SMYD4: variants seen among roughly 807,000 people sequenced by gnomAD.
The protein encoded by SMYD4 is SET and MYND domain containing 4, also known as protein-lysine N-methyltransferase SMYD4.
A neutral mutation model predicts 72.8 loss-of-function variants in SMYD4; 68 were observed. The observed-to-expected ratio is 0.93, with a 90% CI of 0.77 to 1.14. SMYD4 has a LOEUF of 1.14. Ranked by LOEUF, SMYD4 falls within the 50% of genes most tolerant of loss-of-function variation. The probability of loss-of-function intolerance (pLI) is 0.00; values close to 1 mark genes in which losing one functional copy is unlikely to be tolerated. For missense variants in SMYD4, 984 were observed against 1,003.7 expected, an observed-to-expected ratio of 0.98 and a Z score of 0.27; for synonymous variants, 407 against 388.6, an observed-to-expected ratio of 1.05 and a Z score of -0.56.
chr17:1,799,031 G>C (rs972178115), intron 5 of SMYD4, among the ~76,000 whole-genome samples: 1 of 152,076 alleles, frequency 6.6e-6, no homozygotes, highest in Non-Finnish European at 1.5e-5. Flanking sequence ...CAGCACTTTG[G>C]GAGGCTGAGG....
At chr17:1,823,980 A>T (rs1234785183) in intron 2 of SMYD4, among the ~76,000 whole-genome samples, 1 of 152,210 alleles carries the variant, frequency 6.6e-6, no homozygotes, top group Admixed American at 6.6e-5. Context: ...GCCTAGTTTC[A>T]TAGCTAAAAG....
chr17:1,825,558 C>G (rs1911124800), intron 2 of SMYD4, among the ~76,000 whole-genome samples: 1 of 145,168 alleles, frequency 6.9e-6, no homozygotes, highest in Non-Finnish European at 1.5e-5. Flanking sequence ...GTCACCCAGG[C>G]TGGAGTGCAG....
intron 2 of SMYD4, among the ~76,000 whole-genome samples, chr17:1,818,845 G>A (rs148439742): frequency 0.014 from 2,080 of 151,724 alleles, 52 homozygotes; most frequent in African/African-American, 0.047. Context: ...ATGGGGTCTC[G>A]CTATGTTGCC....
chr17:1,812,800 C>T (rs1233388289), intron 2 of SMYD4, among the ~76,000 whole-genome samples: 1 of 152,062 alleles, frequency 6.6e-6, no homozygotes, highest in Non-Finnish European at 1.5e-5. Context: ...CCACCTGCCT[C>T]ACCCTCCCAA....
chr17:1,785,331 C>T (rs1281079374), intron 7 of SMYD4, among the ~76,000 whole-genome samples: 1 of 147,660 alleles, frequency 6.8e-6, no homozygotes. Flanking sequence ...GAGGCTGAGG[C>T]AGGAGAATGG....
intron 10 of SMYD4, chr17:1,781,668 C>A: frequency 1.3e-5 from 4 of 299,012 alleles, no homozygotes; most frequent in Non-Finnish European, 1.2e-5. Context: ...CGAGGCAAAT[C>A]TCAAAGCTTT....
chr17:1,811,872 A>G, intron 3 of SMYD4, 99 bp downstream of exon 3: 2 of 1,335,684 alleles, frequency 1.5e-6, no homozygotes, highest in Non-Finnish European at 2.0e-6. Context: ...TGTTGCAGTG[A>G]GCTGAGATTA....
intron 7 of SMYD4, among the ~76,000 whole-genome samples, chr17:1,785,765 AAAAAAAAAAAG>A (rs201150292): frequency 0.21 from 15,872 of 77,016 alleles, 1,494 homozygotes; most frequent in African/African-American, 0.37. Flanking sequence ...CCCCATCTCA[AAAAAAAAAAAG>A]AAAAAAAAAA....
intron 5 of SMYD4, among the ~76,000 whole-genome samples, chr17:1,791,390 A>C (rs72822462): frequency 6.8e-4 from 103 of 152,300 alleles, no homozygotes; most frequent in Non-Finnish European, 1.3e-3. Flanking sequence ...TGCAAAGATA[A>C]TAACATACAT....
At chr17:1,815,363 T>C (rs1312947280) in intron 2 of SMYD4, among the ~76,000 whole-genome samples, 2 of 151,700 alleles carry the variant, frequency 1.3e-5, no homozygotes, top group Admixed American at 1.3e-4. Context: ...GTGCCCAGAA[T>C]ACTTTTTTGA....
At chr17:1,828,652 C>G (rs1372493272) in intron 1 of SMYD4, among the ~76,000 whole-genome samples, 1 of 149,078 alleles carries the variant, frequency 6.7e-6, no homozygotes, top group African/African-American at 2.5e-5. Context: ...GGCTGGAGTG[C>G]AGTGGCACCA....
At chr17:1,801,619 G>A (rs1909759828) in intron 4 of SMYD4, among the ~76,000 whole-genome samples, 2 of 129,324 alleles carry the variant, frequency 1.5e-5, no homozygotes, top group South Asian at 2.4e-4. Context: ...CTAACAGGCA[G>A]GCTTTGAAAA....
At chr17:1,787,339 A>T in intron 6 of SMYD4, 83 bp downstream of exon 6, 1 of 1,508,176 alleles carries the variant, frequency 6.6e-7, no homozygotes, top group Middle Eastern at 2.3e-4. Flanking sequence ...AGGTGAAGTC[A>T]CATGCCTGGT....
intron 3 of SMYD4, among the ~76,000 whole-genome samples, chr17:1,810,480 T>C (rs1042603445): frequency 4.0e-5 from 6 of 151,820 alleles, no homozygotes; most frequent in Admixed American, 3.9e-4. Flanking sequence ...AATGTTGCAG[T>C]GATCACAGCT....
At position 1,812,070 on chromosome 17, in the gene SMYD4, C is replaced by T; in HGVS notation, c.180G>A (p.Leu60=). Residue 60 remains leucine, a synonymous_variant, in exon 3 of 11, where the codon TTG becomes TTA. Coordinates refer to ENST00000305513, the MANE Select transcript of SMYD4 (RefSeq NM_052928.3). ...GAGGAGCGTCCGAGTCCTTTCCCAC[C>T]AAGTAACCTTTAGAAAGTCTTTTTA... ...LFLKRLSKGY[L]VGKDSDAPLF... 1 of 1,614,066 alleles carries T rather than the reference C, an allele frequency of 6.2e-7. No individual in the cohort carries two copies. The highest frequency in any genetic ancestry group is 8.5e-7 in the Non-Finnish European group (1 of 1,180,024).
intron 9 of SMYD4, 41 bp from the exon 10 acceptor site, chr17:1,783,199 G>A: frequency 6.2e-7 from 1 of 1,613,670 alleles, no homozygotes; most frequent in Non-Finnish European, 8.5e-7. Flanking sequence ...AAGAACCACT[G>A]TCAACTGTGG....
chr17:1,794,069 G>GTATATATATGTATA (rs1909235142), intron 5 of SMYD4, among the ~76,000 whole-genome samples: 1 of 67,958 alleles, frequency 1.5e-5, no homozygotes, highest in East Asian at 3.2e-4. Context: ...ATATATATGT[G>GTATATATATGTATA]TATATATATG....
At chr17:1,825,931 T>A (rs993002954) in intron 2 of SMYD4, among the ~76,000 whole-genome samples, 3 of 148,598 alleles carry the variant, frequency 2.0e-5, no homozygotes, top group African/African-American at 7.6e-5. Context: ...TGAGACCTTG[T>A]GTCTAAAAAT....
intron 5 of SMYD4, among the ~76,000 whole-genome samples, chr17:1,794,069 GTATATATATGTGTATA>G (rs1370214592): frequency 1.5e-5 from 1 of 67,926 alleles, no homozygotes; most frequent in African/African-American, 7.3e-5. Flanking sequence ...ATATATATGT[GTATATATATGTGTATA>G]TATATATATA....
Sources: allele counts gnomAD v4.1 joint callset (sites outside exome capture counted in the v4.1 genomes callset), GRCh38; gene constraint gnomAD v4.1.1; transcripts MANE v1.5; gene names NCBI Gene and HGNC (gene_info 2026-07-23, HGNC 2026-07-21).